Variants in MMRN2 observed in about 807,000 individuals in gnomAD.
MMRN2 encodes the protein multimerin 2, also known as multimerin-2.
In MMRN2, 53 loss-of-function variants were observed where a neutral mutation model predicts 68.8. The ratio of observed to expected loss-of-function variants is 0.77; its 90% CI spans 0.62 to 0.97. The LOEUF is 0.97. MMRN2 is among the 50% of genes least tolerant of loss of function. The pLI, the probability that MMRN2 is intolerant of heterozygous loss-of-function variation, is 0.00. For missense variants in MMRN2, 1,266 were observed against 1,259.5 expected, an observed-to-expected ratio of 1.01 and a Z score of -0.08; for synonymous variants, 564 against 551.6, an observed-to-expected ratio of 1.02 and a Z score of -0.32.
At chr10:86,941,572 C>T (rs1007067015) in intron 6 of MMRN2, among the ~76,000 whole-genome samples, 1 of 151,908 alleles carries the variant, frequency 6.6e-6, no homozygotes, top group African/African-American at 2.4e-5. Context: ...CTGAGGTGGG[C>T]AGATTACTTG....
chr10:86,948,513 G>A (rs1844102091), intron 1 of MMRN2, among the ~76,000 whole-genome samples: 1 of 152,018 alleles, frequency 6.6e-6, no homozygotes, highest in Admixed American at 6.6e-5. Flanking sequence ...AACGTTAGAG[G>A]GTAAAGTTAA....
At chr10:86,938,544 G>A (rs1843911856) in intron 6 of MMRN2, among the ~76,000 whole-genome samples, 1 of 152,222 alleles carries the variant, frequency 6.6e-6, no homozygotes, top group Admixed American at 6.5e-5. Context: ...GTCATGAGAT[G>A]GCACAGGAAA....
Position 86,942,588 on chromosome 10 carries a change from G to A in MMRN2, c.2196C>T (p.Gly732=), listed in dbSNP as rs577116953. Residue 732 remains glycine (G), a synonymous_variant, in exon 6 of 7, where the codon GGC becomes GGT. Transcript: ENST00000372027. Reference sequence around the variant, plus strand: ...GAGTGGCGAAGAGTGCGTTGTGGAGGCCGTGAAGGGAGGCGTTGAGGGAGG... The same window carrying A: ...GAGTGGCGAAGAGTGCGTTGTGGAGACCGTGAAGGGAGGCGTTGAGGGAGG... ...GAASLNASLH[G]LHNALFATQR... is the part of the protein sequence containing the mutation. 192 of 1,611,264 alleles carry A rather than the reference G, an allele frequency of 1.2e-4. No homozygotes were observed. In the South Asian group the frequency reaches 1.9e-3, roughly 16 times the overall value.
chr10:86,946,492 G>A (rs973682218), intron 1 of MMRN2, among the ~76,000 whole-genome samples: 3 of 152,236 alleles, frequency 2.0e-5, no homozygotes, highest in Non-Finnish European at 4.4e-5. Flanking sequence ...GGTCATGCAA[G>A]GTGGTTGGGG....
At position 86,942,988 on chromosome 10, in the gene MMRN2, A is replaced by G; in HGVS notation, c.1796T>C (p.Leu599Pro). ...VRQLHSAFAA[L>P]LEDALRHEAV... is the part of the protein sequence containing the mutation. ...CTCGTGCCGCAGCGCGTCCTCCAGC[A>G]GGGCGGCGAAGGCGCTGTGCAGCTG... Residue 599 changes from leucine to proline, a missense_variant, in exon 6 of 7, where the codon CTG becomes CCG. Coordinates refer to ENST00000372027, the MANE Select transcript of MMRN2 (RefSeq NM_024756.3). 2.7e-6 allele frequency: 4 copies of G among 1,462,704 alleles called. No individual in the cohort carries two copies. Among genetic ancestry groups the G allele is most frequent in the Non-Finnish European group, 3.6e-6 (4 of 1,107,274 alleles). The allele number at this position is 1,462,704 out of a possible 1,614,324, so 90.6% of individuals were successfully genotyped here. A position where few individuals can be genotyped will look rare whatever the true frequency, so the allele number is the denominator to read the frequency against.
chr10:86,954,710 G>A (rs1165138470), intron 1 of MMRN2, among the ~76,000 whole-genome samples: 1 of 152,144 alleles, frequency 6.6e-6, no homozygotes, highest in Admixed American at 6.5e-5. Flanking sequence ...TGGCAGAGAA[G>A]CCTGAGGCTC....
rs1843865957 is a variant in MMRN2 at position 86,935,643 on chromosome 10, A to G, written c.*1100T>C. 6.6e-6 allele frequency: 1 copy of G among 152,240 alleles called. No homozygotes were observed. The highest frequency in any genetic ancestry group is 1.5e-5 in the Non-Finnish European group (1 of 68,038). The allele number at this position is 152,240 out of a possible 1,614,324, so 9.4% of individuals were successfully genotyped here. ...CTGCCTCCTGGTTAGAGATGCTAACAAGAATTACGATGGTCCTAAGATACT... is the reference window on the plus strand; with the variant it reads ...CTGCCTCCTGGTTAGAGATGCTAACGAGAATTACGATGGTCCTAAGATACT... On this transcript the variant is annotated 3_prime_UTR_variant, in exon 7 of 7. Coordinates refer to ENST00000372027, the MANE Select transcript of MMRN2 (RefSeq NM_024756.3).
Position 86,936,416 on chromosome 10 carries a change from G to T in MMRN2, c.*327C>A. The T allele has an allele frequency of 2.1e-6, 1 of 469,478 alleles. No homozygotes were observed. The allele number at this position is 469,478 out of a possible 1,614,324, so 29.1% of individuals were successfully genotyped here. A position where few individuals can be genotyped will look rare whatever the true frequency, so the allele number is the denominator to read the frequency against. On this transcript the variant is annotated 3_prime_UTR_variant, in exon 7 of 7. Transcript: ENST00000372027. The stretch of plus-strand genomic sequence containing the variant: ...GTACAGAAGTTTCCAACCACAGGAG[G>T]AGCAAAACACCAAAGAAGTTGTAGA...
intron 1 of MMRN2, among the ~76,000 whole-genome samples, chr10:86,953,477 G>A (rs111320328): frequency 0.026 from 4,022 of 152,154 alleles, 167 homozygotes; most frequent in African/African-American, 0.088. Flanking sequence ...CTGTCCCTCC[G>A]TTCAGGGTCC....
At chr10:86,939,819 GTGTGTGTGTGTGTGTGTGTT>G (rs761344856) in intron 6 of MMRN2, among the ~76,000 whole-genome samples, 11,033 of 136,650 alleles carry the variant, frequency 0.081, 511 homozygotes, top group Non-Finnish European at 0.12. Context: ...GTGTGTGTGT[GTGTGTGTGTGTGTGTGTGTT>G]TGTGTGTGTG....
intron 4 of MMRN2, 177 bp from the exon 5 acceptor site, chr10:86,944,612 C>G (rs941217403): frequency 1.9e-5 from 12 of 618,080 alleles, no homozygotes; most frequent in Non-Finnish European, 3.1e-5. Flanking sequence ...AGTGAGCCCT[C>G]ACCCTGCCTC....
At chr10:86,956,241 C>T (rs890951129) in intron 1 of MMRN2, among the ~76,000 whole-genome samples, 17 of 151,082 alleles carry the variant, frequency 1.1e-4, no homozygotes, top group Non-Finnish European at 2.1e-4. Context: ...TTCTCCATGG[C>T]CAACTGCTCA....
intron 1 of MMRN2, among the ~76,000 whole-genome samples, chr10:86,950,069 G>A (rs368522336): frequency 1.6e-4 from 24 of 151,792 alleles, no homozygotes; most frequent in East Asian, 5.8e-4. Context: ...AAAAGAGGCC[G>A]GGTACGGTGG....
chr10:86,943,524 G>A lies in MMRN2; in HGVS notation c.1260C>T (p.Asp420=), dbSNP rs756847926. Residue 420 remains aspartate, a synonymous_variant, in exon 6 of 7, where the codon GAC becomes GAT. Coordinates refer to ENST00000372027, the MANE Select transcript of MMRN2 (RefSeq NM_024756.3). This position sits in a 1 kb window ranked among gnomAD's most constrained non-coding sequence, Gnocchi z 4.2. ...CCTTGCTAATCTGATCGAAAGTCTC[G>A]TCCGATTCGGAGTACAGTTCCTTGA... is the stretch of plus-strand genomic sequence containing the variant. ...DEIKELYSES[D]ETFDQISKVE... is the part of the protein sequence containing the mutation. 2 of 1,614,098 alleles carry A rather than the reference G, an allele frequency of 1.2e-6. No individual in the cohort carries two copies. The highest frequency in any genetic ancestry group is 1.3e-5 in the African/African-American group (1 of 74,930).
rs149268559 is a variant in MMRN2, at chr10:86,950,737, G to C, written c.165-5048C>G. On this transcript the variant is annotated intron_variant, in intron 1 of 6. Coordinates refer to ENST00000372027, the MANE Select transcript of MMRN2 (RefSeq NM_024756.3). ...TGGCTGAGGGTGTGGAGTTGAGTTA[G>C]TGATAAAGACACAGAATAAGCAGAA... Among the ~76,000 whole-genome samples, 869 of 152,270 alleles carry C rather than the reference G, an allele frequency of 5.7e-3. 13 individuals are homozygous for C. The highest frequency in any genetic ancestry group is 0.02 in the African/African-American group (840 of 41,556).
chr10:86,945,107 G>T, intron 4 of MMRN2, 81 bp downstream of exon 4: 1 of 1,244,598 alleles, frequency 8.0e-7, no homozygotes, highest in Non-Finnish European at 1.2e-6. Flanking sequence ...AAATGGCACT[G>T]CTGTATCACA....
intron 1 of MMRN2, 133 bp from the exon 2 acceptor site, chr10:86,945,822 A>T: frequency 6.7e-7 from 1 of 1,503,126 alleles, no homozygotes; most frequent in Middle Eastern, 2.3e-4. Flanking sequence ...CTGAGAAGAG[A>T]GCCTTCCGCA....
At position 86,953,617 on chromosome 10, in the gene MMRN2, A is replaced by G. The variant is rs771198856; in HGVS notation, c.164+3761T>C. On this transcript the variant is annotated intron_variant, in intron 1 of 6. Transcript: ENST00000372027. ...TGGTGGGTGCTACTCATGACTAGGT[A>G]TCTCATGGGTGGGGCCCAAAGATGC... Among the ~76,000 whole-genome samples, 82 of 152,136 alleles carry G rather than the reference A, an allele frequency of 5.4e-4. 1 individual carries two copies. Among genetic ancestry groups the G allele is most frequent in the Non-Finnish European group, 5.9e-5 (4 of 67,994 alleles).
intron 1 of MMRN2, among the ~76,000 whole-genome samples, chr10:86,951,703 TA>T (rs35247524): frequency 0.44 from 66,043 of 151,280 alleles, 15,145 homozygotes; most frequent in East Asian, 0.7. Flanking sequence ...AAATGAAACT[TA>T]AAAAAAAAAT....
Sources: allele counts gnomAD v4.1 joint callset (sites outside exome capture counted in the v4.1 genomes callset), GRCh38; gene constraint gnomAD v4.1.1; non-coding constraint Gnocchi (gnomAD v3.1); transcripts MANE v1.5; gene names NCBI Gene and HGNC (gene_info 2026-07-23, HGNC 2026-07-21).